Variants in COG7 observed in about 807,000 individuals in gnomAD.
The protein encoded by COG7 is conserved oligomeric Golgi complex subunit 7.
Under a neutral mutation model 91.5 loss-of-function variants are expected in COG7, and 49 were observed. The observed-to-expected ratio is 0.54, with a 90% CI of 0.43 to 0.68. The LOEUF (loss-of-function observed/expected upper bound fraction) is 0.68, where lower values mean the gene tolerates loss of function less well. COG7 is among the 30% of genes least tolerant of loss of function. The pLI, the probability that COG7 is intolerant of heterozygous loss-of-function variation, is 0.00. For missense variants in COG7, 895 were observed against 961.3 expected (o/e 0.93, Z 0.91); for synonymous variants, 365 against 388.7 (o/e 0.94, Z 0.72).
At chr16:23,392,332 C>A in intron 16 of COG7, 48 bp downstream of exon 16, 1 of 1,613,066 alleles carries the variant, frequency 6.2e-7, no homozygotes, top group African/African-American at 1.3e-5. Flanking sequence ...CTGACAGATG[C>A]AGCAGGCAAG....
rs545654100 is a variant in COG7 at position 23,424,961 on chromosome 16, G to C, written c.811-14C>G. 3.1e-4 allele frequency: 486 copies of C among 1,587,256 alleles called. 4 individuals are homozygous for C. The highest frequency in any genetic ancestry group is 1.4e-3 in the South Asian group (128 of 88,996). On this transcript the variant is annotated splice_polypyrimidine_tract_variant and intron_variant, in intron 6 of 16. Transcript: ENST00000307149. Reference sequence around the variant, plus strand: ...CTTCTGGAAAACCTGCAGTGAGAGAGAGGTGTACCTGCCTTAGCACATGGA... The same window carrying C: ...CTTCTGGAAAACCTGCAGTGAGAGACAGGTGTACCTGCCTTAGCACATGGA...
chr16:23,416,172 G>C (rs1596928649), intron 9 of COG7: 1 of 152,182 alleles, frequency 6.6e-6, no homozygotes, highest in Non-Finnish European at 1.5e-5. Context: ...TGGGATTACA[G>C]GCATCCACCA....
rs368816921 is a variant in COG7, at chr16:23,389,096, C to T, written c.2147-10G>A. The T allele has an allele frequency of 1.2e-5, 20 of 1,612,948 alleles. No homozygotes were observed. The highest frequency in any genetic ancestry group is 1.0e-4 in the Admixed American group (6 of 59,938). ...ACGTTGATCAGATAGTCTGTGGGGGCGGAGAGGAGACAGACAGAGCTCCAC... is the reference window on the plus strand; with the variant it reads ...ACGTTGATCAGATAGTCTGTGGGGGTGGAGAGGAGACAGACAGAGCTCCAC... On this transcript the variant is annotated splice_polypyrimidine_tract_variant and intron_variant, in intron 16 of 16. Coordinates refer to ENST00000307149, the MANE Select transcript of COG7 (RefSeq NM_153603.4).
chr16:23,439,907 C>T (rs988386245), intron 4 of COG7, among the ~76,000 whole-genome samples: 1 of 151,968 alleles, frequency 6.6e-6, no homozygotes, highest in African/African-American at 2.4e-5. Flanking sequence ...AGAACACTTC[C>T]AAAGATTTTC....
chr16:23,393,380 T>A (rs1234280642), intron 14 of COG7, 33 bp from the exon 15 acceptor site: 2 of 1,505,874 alleles, frequency 1.3e-6, no homozygotes, highest in East Asian at 2.3e-5. Flanking sequence ...TAGCCTGACA[T>A]TGACACATAC....
In COG7 at chr16:23,407,549, C is replaced by T. The variant is rs576380785; in HGVS notation, c.1476-1287G>A. On this transcript the variant is annotated intron_variant, in intron 11 of 16. Transcript: ENST00000307149. ...TTGGTAGAGGAGAGGCCTTAAGGAC[C>T]CCAGGAGGTTTCAGCCCTCTGCGCC... 6.6e-4 allele frequency among the ~76,000 whole-genome samples: 100 copies of T among 152,282 alleles called. 1 individual carries two copies. The highest frequency in any genetic ancestry group is 2.3e-3 in the African/African-American group (95 of 41,554).
At position 23,413,944 on chromosome 16, in the gene COG7, C is replaced by T. The variant is rs888182824; in HGVS notation, c.1293-380G>A. On this transcript the variant is annotated intron_variant, in intron 9 of 16. Coordinates refer to ENST00000307149, the MANE Select transcript of COG7 (RefSeq NM_153603.4). ...AAACATCACGGTCCCATGGTAATAA[C>T]TGACTGTGACCTGGGATAACGTAAG... 1.4e-5 allele frequency: 3 copies of T among 218,056 alleles called. No homozygotes were observed. The Admixed American group carries it at 1.6e-4, about 11-fold the overall frequency. The allele number at this position is 218,056 out of a possible 1,614,324, so 13.5% of individuals were successfully genotyped here.
At chr16:23,449,751 C>CAAA (rs59806724) in intron 1 of COG7, among the ~76,000 whole-genome samples, 1 of 92,912 alleles carries the variant, frequency 1.1e-5, no homozygotes, top group Non-Finnish European at 2.2e-5. Context: ...AACTCCATCT[C>CAAA]AAAAAAAAAA....
chr16:23,399,961 CTT>C (rs944414976), intron 13 of COG7, among the ~76,000 whole-genome samples: 2 of 152,036 alleles, frequency 1.3e-5, no homozygotes, highest in African/African-American at 4.8e-5. Flanking sequence ...TTAGGAATTC[CTT>C]TTCTTTTTCT....
chr16:23,420,048 A>G (rs1963729161), intron 7 of COG7, among the ~76,000 whole-genome samples: 1 of 151,382 alleles, frequency 6.6e-6, no homozygotes, highest in South Asian at 2.1e-4. Context: ...AGGCTGAGGC[A>G]AGAGAATTCC....
intron 7 of COG7, among the ~76,000 whole-genome samples, chr16:23,422,072 G>C (rs1002056164): frequency 1.3e-5 from 2 of 152,238 alleles, no homozygotes; most frequent in South Asian, 4.1e-4. Flanking sequence ...CACTTTGAGA[G>C]GCCAAGGCAG....
chr16:23,417,253 T>G, intron 8 of COG7, 132 bp from the exon 9 acceptor site: 1 of 922,928 alleles, frequency 1.1e-6, no homozygotes, highest in Non-Finnish European at 1.7e-6. Context: ...GTCCCAACGT[T>G]TGAATGCTTC....
intron 6 of COG7, among the ~76,000 whole-genome samples, 189 bp from the exon 7 acceptor site, chr16:23,425,136 C>G (rs1407818813): frequency 6.6e-6 from 1 of 152,136 alleles, no homozygotes; most frequent in Non-Finnish European, 1.5e-5. Context: ...ACGGCAAGAC[C>G]CTGTCTCTAC....
chr16:23,409,752 T>C lies in COG7; in HGVS notation c.1475+543A>G, dbSNP rs1044078558. Among the ~76,000 whole-genome samples the C allele has an allele frequency of 2.6e-5, 4 of 152,166 alleles. No homozygotes were observed. The East Asian group carries it at 5.8e-4, about 22-fold the overall frequency. On this transcript the variant is annotated intron_variant, in intron 11 of 16. Transcript: ENST00000307149. ...CCACCTCAGGGCAACATAAAAGCCC[T>C]GGCAGGTATGAGAAGAGAGGAAGGG...
rs535482308 is a variant in COG7 at position 23,389,105 on chromosome 16, G to A, written c.2147-19C>T. 3.1e-6 allele frequency: 5 copies of A among 1,612,294 alleles called. No individual in the cohort carries two copies. On this transcript the variant is annotated intron_variant, in intron 16 of 16. Transcript: ENST00000307149. ...AGATAGTCTGTGGGGGCGGAGAGGA[G>A]ACAGACAGAGCTCCACAGACTCAGC... is the stretch of plus-strand genomic sequence containing the variant.
rs1043237024 is a variant in COG7, at chr16:23,413,694, G to C, written c.1293-130C>G. 4.2e-6 allele frequency: 3 copies of C among 712,532 alleles called. No individual in the cohort carries two copies. The African/African-American group carries it at 5.3e-5, about 13-fold the overall frequency. The allele number at this position is 712,532 out of a possible 1,614,324, so 44.1% of individuals were successfully genotyped here. ...AGCATCTTTAGAGGCTCCCACCGAC[G>C]AGTGAAACTGCTTGTAAACCTCTGA... On this transcript the variant is annotated intron_variant, in intron 9 of 16. Transcript: ENST00000307149.
chr16:23,443,660 C>G (rs1368397880), intron 3 of COG7, among the ~76,000 whole-genome samples: 2 of 151,964 alleles, frequency 1.3e-5, no homozygotes, highest in African/African-American at 4.8e-5. Flanking sequence ...CCACTGGACT[C>G]CGGCCTGGGC....
chr16:23,445,182 G>A lies in COG7; in HGVS notation c.319-18C>T. The A allele has an allele frequency of 1.9e-6, 3 of 1,565,982 alleles. No homozygotes were observed. Among genetic ancestry groups the A allele is most frequent in the Non-Finnish European group, 2.6e-6 (3 of 1,136,246 alleles). ...ACCAACACCTGAAAGAGGCGTGAGG[G>A]GTGAAAAATGAAGGGGTAGGTCCTT... On this transcript the variant is annotated intron_variant, in intron 2 of 16. Transcript: ENST00000307149.
At position 23,393,215 on chromosome 16, in the gene COG7, G is replaced by GA. The variant is rs1567326964; in HGVS notation, c.2002+17dup. 8 of 1,585,508 alleles carry GA rather than the reference G, an allele frequency of 5.0e-6. No homozygotes were observed. The highest frequency in any genetic ancestry group is 1.3e-5 in the African/African-American group (1 of 74,508). ...GACAGCTTGACTTGTAACATCGCCA[G>GA]AAACGGTCCCCGCTTACCCTGCTCA... On this transcript the variant is annotated intron_variant, in intron 15 of 16. Coordinates refer to ENST00000307149, the MANE Select transcript of COG7 (RefSeq NM_153603.4).
Sources: allele counts gnomAD v4.1 joint callset (sites outside exome capture counted in the v4.1 genomes callset), GRCh38; gene constraint gnomAD v4.1.1; transcripts MANE v1.5; gene names NCBI Gene and HGNC (gene_info 2026-07-23, HGNC 2026-07-21).